Variants in NBEAL1 observed in about 807,000 individuals in gnomAD.
The protein encoded by NBEAL1 is neurobeachin-like protein 1.
In NBEAL1, 273 loss-of-function variants were observed where a neutral mutation model predicts 351.3. The observed-to-expected ratio is 0.78, with a 90% CI of 0.70 to 0.86. The LOEUF (loss-of-function observed/expected upper bound fraction) is 0.86, where lower values mean the gene tolerates loss of function less well. Among genes scored for constraint, NBEAL1 ranks in the 40% least tolerant of loss-of-function variants. The pLI is 0.00. For missense variants in NBEAL1, 2,961 were observed against 3,201.3 expected, an observed-to-expected ratio of 0.92 and a Z score of 1.81; for synonymous variants, 1,050 against 1,086.4, an observed-to-expected ratio of 0.97 and a Z score of 0.66.
intron 2 of NBEAL1, among the ~76,000 whole-genome samples, chr2:203,029,586 G>A (rs1465603809): frequency 6.6e-6 from 1 of 151,980 alleles, no homozygotes; most frequent in Non-Finnish European, 1.5e-5. Flanking sequence ...CAGCTACTCA[G>A]GAGGCCGAAG....
chr2:203,077,500 A>G (rs935893193), intron 7 of NBEAL1, among the ~76,000 whole-genome samples: 3 of 152,218 alleles, frequency 2.0e-5, no homozygotes, highest in Admixed American at 6.5e-5. Flanking sequence ...TCATTTATAA[A>G]TGGGGGCCAA....
intron 8 of NBEAL1, among the ~76,000 whole-genome samples, chr2:203,081,952 A>G (rs1000799816): frequency 6.6e-6 from 1 of 152,202 alleles, no homozygotes; most frequent in Admixed American, 6.5e-5. Context: ...AAGTTTTTTT[A>G]AATTAGTCAG....
At chr2:203,033,016 T>C (rs1034081095) in intron 2 of NBEAL1, among the ~76,000 whole-genome samples, 1 of 151,874 alleles carries the variant, frequency 6.6e-6, no homozygotes, top group African/African-American at 2.4e-5. Flanking sequence ...AATTTTATTT[T>C]TTGAGACGGA....
intron 54 of NBEAL1, among the ~76,000 whole-genome samples, chr2:203,211,576 C>G (rs1478355142): frequency 6.6e-6 from 1 of 152,038 alleles, no homozygotes; most frequent in Non-Finnish European, 1.5e-5. Flanking sequence ...GAGCCCAGGT[C>G]AAGGCTACAG....
In NBEAL1 at chr2:203,218,697, C is replaced by T. The variant is rs955124438; in HGVS notation, c.*1343C>T. ...TAGAGAAATTTTTCTTTTGCAATTT[C>T]GCTTTCCTGTTGACCACAGTATCCA... On this transcript the variant is annotated 3_prime_UTR_variant, in exon 56 of 56. Coordinates refer to ENST00000683969, the MANE Select transcript of NBEAL1 (RefSeq NM_001378026.1). The T allele has an allele frequency of 1.1e-4, 16 of 152,094 alleles. No individual in the cohort carries two copies. Among genetic ancestry groups the T allele is most frequent in the African/African-American group, 3.9e-4 (16 of 41,420 alleles). 9.4% of individuals were successfully genotyped at this position (152,094 alleles called of 1,614,324 possible). A position where few individuals can be genotyped will look rare whatever the true frequency, so the allele number is the denominator to read the frequency against.
At chr2:203,171,181 C>T (rs1052033261) in intron 39 of NBEAL1, among the ~76,000 whole-genome samples, 10 of 152,062 alleles carry the variant, frequency 6.6e-5, no homozygotes, top group African/African-American at 2.4e-4. Flanking sequence ...TCACTTGAAC[C>T]CTGGAGACAG....
At chr2:203,213,320 A>T (rs1482544847) in intron 54 of NBEAL1, among the ~76,000 whole-genome samples, 198 bp from the exon 55 acceptor site, 1 of 152,160 alleles carries the variant, frequency 6.6e-6, no homozygotes, top group African/African-American at 2.4e-5. Context: ...TAGAGAAAAA[A>T]ATCTATCAAG....
intron 18 of NBEAL1, among the ~76,000 whole-genome samples, chr2:203,118,060 T>C (rs949182139): frequency 6.6e-6 from 1 of 152,174 alleles, no homozygotes; most frequent in Non-Finnish European, 1.5e-5. Context: ...TCTCCCTTCT[T>C]TTTGCTGTGA....
Position 203,136,239 on chromosome 2 carries a change from T to C in NBEAL1, c.4376T>C (p.Leu1459Pro), listed in dbSNP as rs2063204668. ...DMGFSDDFSL[L>P]ESQERCEEEL... ...GGCTTTAGTGATGACTTCTCTTTAC[T>C]TGAAAGCCAAGAGGTAAAATTGCTT... is the stretch of plus-strand genomic sequence containing the variant. The change falls in exon 28 of 56, where the codon CTT becomes CCT. Residue 1459 changes from leucine (L) to proline (P), a missense_variant. Leu to Pro is a moderately conservative substitution (Grantham distance 98, BLOSUM62 -3). Transcript: ENST00000683969. The C allele has an allele frequency of 6.4e-7, 1 of 1,572,302 alleles. No individual in the cohort carries two copies. The highest frequency in any genetic ancestry group is 8.6e-7 in the Non-Finnish European group (1 of 1,164,596).
At chr2:203,039,140 T>G (rs1272401365) in intron 2 of NBEAL1, among the ~76,000 whole-genome samples, 1 of 148,494 alleles carries the variant, frequency 6.7e-6, no homozygotes, top group Non-Finnish European at 1.5e-5. Context: ...GTTGTCTTTC[T>G]TGTCTGTCTT....
intron 22 of NBEAL1, 40 bp downstream of exon 22, chr2:203,126,756 T>C: frequency 1.3e-6 from 2 of 1,519,118 alleles, no homozygotes; most frequent in South Asian, 2.6e-5. Flanking sequence ...ATAGTTGTTT[T>C]AGAAATTTAT....
chr2:203,027,701 A>G (rs1275457576), intron 2 of NBEAL1, among the ~76,000 whole-genome samples: 1 of 152,146 alleles, frequency 6.6e-6, no homozygotes, highest in African/African-American at 2.4e-5. Flanking sequence ...GAGAAAAATG[A>G]AAAATATATG....
rs2064163973 is a variant in NBEAL1, at chr2:203,167,313, A to T, written c.5950A>T (p.Ile1984Phe). 1 of 1,612,730 alleles carries T rather than the reference A, an allele frequency of 6.2e-7. No homozygotes were observed. The highest frequency in any genetic ancestry group is 8.5e-7 in the Non-Finnish European group (1 of 1,179,508). The change falls in exon 38 of 56, where the codon ATT becomes TTT. Residue 1984 changes from isoleucine to phenylalanine, a missense_variant. Coordinates refer to ENST00000683969, the MANE Select transcript of NBEAL1 (RefSeq NM_001378026.1). ...CAATTTAAGAAGATCAGCCCTTGAGATTTTTCATGTTGACCAATCCAACTA... is the reference window on the plus strand; with the variant it reads ...CAATTTAAGAAGATCAGCCCTTGAGTTTTTTCATGTTGACCAATCCAACTA... ...RYNLRRSALE[I>F]FHVDQSNYFL...
rs565777332 is a variant in NBEAL1 at position 203,135,990 on chromosome 2, A to T, written c.4127A>T (p.Asp1376Val). Residue 1376 changes from aspartate (D) to valine (V), a missense_variant, in exon 28 of 56, where the codon GAT becomes GTT. Coordinates refer to ENST00000683969, the MANE Select transcript of NBEAL1 (RefSeq NM_001378026.1). Reference protein sequence around the residue: ...LDSNTPLFPEDSSVGELSFKS... With the variant: ...LDSNTPLFPEVSSVGELSFKS... Reference sequence around the variant, plus strand: ...TCAAACACACCATTATTTCCAGAAGATAGCTCTGTGGGAGAATTGTCTTTC... The same window carrying T: ...TCAAACACACCATTATTTCCAGAAGTTAGCTCTGTGGGAGAATTGTCTTTC... 6 of 1,613,880 alleles carry T rather than the reference A, an allele frequency of 3.7e-6. No homozygotes were observed. The highest frequency in any genetic ancestry group is 5.1e-6 in the Non-Finnish European group (6 of 1,179,830).
In NBEAL1 at chr2:203,062,894, CT is replaced by C. The variant is rs1270763400; in HGVS notation, c.515+5443del. ...AGGGATCTACAGCAATAATTTACAC[CT>C]TATTTATTAATCTGATTCTGAAATT... On this transcript the variant is annotated intron_variant, in intron 6 of 55. Transcript: ENST00000683969. This position sits in a 1 kb window ranked among gnomAD's most constrained non-coding sequence, Gnocchi z 4.2. 6.6e-6 allele frequency among the ~76,000 whole-genome samples: 1 copy of C among 152,078 alleles called. No homozygotes were observed. Among genetic ancestry groups the C allele is most frequent in the African/African-American group, 2.4e-5 (1 of 41,430 alleles).
rs773017980 is a variant in NBEAL1, at chr2:203,151,456, T to C, written c.5463-9T>C. The C allele has an allele frequency of 1.9e-6, 3 of 1,570,794 alleles. No individual in the cohort carries two copies. The Admixed American group carries it at 5.8e-5, about 30-fold the overall frequency. ...ATAATTTTACTTATTTGCTTATGAA[T>C]ATTCTTAGGAAACAGAATCCAATTC... On this transcript the variant is annotated splice_polypyrimidine_tract_variant and intron_variant, in intron 34 of 55. Coordinates refer to ENST00000683969, the MANE Select transcript of NBEAL1 (RefSeq NM_001378026.1).
In NBEAL1 at chr2:203,057,440, C is replaced by T. The variant is rs1469180645; in HGVS notation, c.502C>T (p.His168Tyr). 13 of 1,549,702 alleles carry T rather than the reference C, an allele frequency of 8.4e-6. No individual in the cohort carries two copies. The South Asian group carries it at 9.5e-5, about 11-fold the overall frequency. Residue 168 changes from histidine to tyrosine, a missense_variant, in exon 6 of 56, where the codon CAT becomes TAT. By Grantham distance (83) the His-to-Tyr change is moderately conservative. Coordinates refer to ENST00000683969, the MANE Select transcript of NBEAL1 (RefSeq NM_001378026.1). Reference sequence around the variant, plus strand: ...ATATGATCCATATCGGAATTGGAGACATAGAATTTCAGGGTATGTCTTATA... The same window carrying T: ...ATATGATCCATATCGGAATTGGAGATATAGAATTTCAGGGTATGTCTTATA... ...SLYDPYRNWR[H>Y]RISGRILSTV...
At chr2:203,174,458 T>C (rs1368271083) in intron 41 of NBEAL1, among the ~76,000 whole-genome samples, 1 of 152,160 alleles carries the variant, frequency 6.6e-6, no homozygotes, top group Non-Finnish European at 1.5e-5. Context: ...TATTAATTCA[T>C]ACATTAGGAT....
chr2:203,056,329 G>A, intron 4 of NBEAL1, 98 bp from the exon 5 acceptor site: 1 of 700,922 alleles, frequency 1.4e-6, no homozygotes, highest in South Asian at 1.6e-5. Flanking sequence ...TTTGCATTTT[G>A]TTTGCCAGCA....
Sources: gnomAD v4.1 joint callset for allele counts (sites outside exome capture counted in the v4.1 genomes callset) on GRCh38, gnomAD v4.1.1 for gene constraint, Gnocchi (gnomAD v3.1) non-coding constraint, MANE v1.5 for transcripts, NCBI Gene and HGNC (gene_info 2026-07-23, HGNC 2026-07-21) for gene names.